Variants in TSHZ2 observed in about 807,000 individuals in gnomAD.
The protein encoded by TSHZ2 is teashirt homolog 2.
Under a neutral mutation model 74.4 loss-of-function variants are expected in TSHZ2, and 21 were observed. That is an observed-to-expected ratio of 0.28 (90% CI 0.20 to 0.41). TSHZ2 has a LOEUF of 0.41. TSHZ2 is among the 10% of genes least tolerant of loss of function. The pLI is 1.00. For synonymous variants in TSHZ2, 540 were observed against 515.3 expected (o/e 1.05, Z -0.65); for missense variants, 1,244 against 1,293.5 (o/e 0.96, Z 0.59).
intron 1 of TSHZ2, among the ~76,000 whole-genome samples, chr20:53,206,057 A>G (rs1989161143): frequency 6.6e-6 from 1 of 152,082 alleles, no homozygotes; most frequent in African/African-American, 2.4e-5. Context: ...CGTCTCTACT[A>G]AAAATACAAA....
chr20:53,183,061 T>C (rs1214702685), intron 1 of TSHZ2, among the ~76,000 whole-genome samples: 1 of 152,164 alleles, frequency 6.6e-6, no homozygotes, highest in African/African-American at 2.4e-5. Context: ...TTGAGACTCA[T>C]TTTTCAACAT....
intron 1 of TSHZ2, among the ~76,000 whole-genome samples, chr20:53,200,196 G>T (rs1289564692): frequency 6.6e-6 from 1 of 152,158 alleles, no homozygotes; most frequent in East Asian, 1.9e-4. Flanking sequence ...GACTTCCTCA[G>T]GGTATACACA....
chr20:52,982,472 A>G (rs578190202), intron 1 of TSHZ2, among the ~76,000 whole-genome samples: 183 of 152,064 alleles, frequency 1.2e-3, no homozygotes, highest in Admixed American at 3.1e-3. Flanking sequence ...CTTCAGGCCA[A>G]CTCCTGTCAT....
chr20:53,487,272 CAAAAAA>C lies in TSHZ2; in HGVS notation c.*153_*158del, dbSNP rs11394425. 26,840 of 112,012 alleles carry C rather than the reference CAAAAAA, an allele frequency of 0.24. 2,624 individuals are homozygous for C. Among genetic ancestry groups the C allele is most frequent in the East Asian group, 0.33 (1,430 of 4,272 alleles). The allele number at this position is 112,012 out of a possible 1,614,324, so 6.9% of individuals were successfully genotyped here. On this transcript the variant is annotated 3_prime_UTR_variant, in exon 3 of 3. Transcript: ENST00000371497. ...GACACCCTGGCTCTGAGAAGACTGC[CAAAAAA>C]AAAAAAAAAAAAAAATCACCCCAGC... is the stretch of plus-strand genomic sequence containing the variant.
chr20:52,975,783 A>G (rs1981312677), intron 1 of TSHZ2, among the ~76,000 whole-genome samples: 1 of 152,040 alleles, frequency 6.6e-6, no homozygotes, highest in Non-Finnish European at 1.5e-5. Context: ...TCAATGCCCT[A>G]CTCTATTTCA....
chr20:53,239,510 G>C (rs1325929980), intron 1 of TSHZ2, among the ~76,000 whole-genome samples: 1 of 152,168 alleles, frequency 6.6e-6, no homozygotes, highest in East Asian at 1.9e-4. Flanking sequence ...TTCTTAAAGA[G>C]CTTACCACCT....
At chr20:53,155,872 G>T (rs921303867) in intron 1 of TSHZ2, among the ~76,000 whole-genome samples, 1 of 152,104 alleles carries the variant, frequency 6.6e-6, no homozygotes, top group African/African-American at 2.4e-5. Context: ...GGCTGTCTGG[G>T]TCACAAACTT....
intron 1 of TSHZ2, among the ~76,000 whole-genome samples, chr20:53,199,335 G>A (rs1021645053): frequency 7.2e-5 from 11 of 152,192 alleles, no homozygotes; most frequent in Non-Finnish European, 1.2e-4. Context: ...TCAGCCAGGC[G>A]TGGTGGCACA....
intron 2 of TSHZ2, among the ~76,000 whole-genome samples, chr20:53,463,379 AGAGG>A (rs1227429502): frequency 2.3e-4 from 20 of 88,030 alleles, no homozygotes; most frequent in African/African-American, 9.1e-4. Context: ...ACAGAGAGAG[AGAGG>A]AAGGAAGGAA....
At chr20:53,481,595 A>G (rs1248630444) in intron 2 of TSHZ2, among the ~76,000 whole-genome samples, 1 of 151,984 alleles carries the variant, frequency 6.6e-6, no homozygotes, top group African/African-American at 2.4e-5. Context: ...ATAGAAAAAA[A>G]AAAGAATTTT....
At chr20:53,221,071 C>T (rs987028532) in intron 1 of TSHZ2, among the ~76,000 whole-genome samples, 4 of 152,322 alleles carry the variant, frequency 2.6e-5, no homozygotes, top group African/African-American at 9.6e-5. Flanking sequence ...TGGTTTCCCC[C>T]ATTCTGTTCT....
chr20:53,018,406 C>T (rs1448179537), intron 1 of TSHZ2, among the ~76,000 whole-genome samples: 4 of 152,192 alleles, frequency 2.6e-5, no homozygotes, highest in Admixed American at 6.5e-5. Context: ...TCACCTGCTC[C>T]ACTGCTAGTC....
At chr20:53,441,887 A>G (rs1362837126) in intron 2 of TSHZ2, among the ~76,000 whole-genome samples, 1 of 152,186 alleles carries the variant, frequency 6.6e-6, no homozygotes, top group Non-Finnish European at 1.5e-5. Context: ...CAGCCTTTTC[A>G]TTATAACCCT....
At chr20:53,437,668 C>G (rs1205317807) in intron 2 of TSHZ2, among the ~76,000 whole-genome samples, 1 of 152,278 alleles carries the variant, frequency 6.6e-6, no homozygotes, top group East Asian at 1.9e-4. Flanking sequence ...CCCTCCAAAT[C>G]TCATGTTGAA....
intron 1 of TSHZ2, among the ~76,000 whole-genome samples, chr20:53,040,752 C>A (rs115496902): frequency 8.5e-5 from 13 of 152,164 alleles, no homozygotes; most frequent in African/African-American, 3.1e-4. Context: ...TTGGACCCAA[C>A]GACCCTTACC....
intron 2 of TSHZ2, among the ~76,000 whole-genome samples, chr20:53,439,295 G>A (rs1192060928): frequency 6.6e-6 from 1 of 152,144 alleles, no homozygotes; most frequent in Non-Finnish European, 1.5e-5. Flanking sequence ...TCTGGAGTCA[G>A]TAATAATGCA....
At chr20:53,156,380 T>C (rs75394275) in intron 1 of TSHZ2, among the ~76,000 whole-genome samples, 3,132 of 152,272 alleles carry the variant, frequency 0.021, 107 homozygotes, top group African/African-American at 0.071. Context: ...GGTTATCTTA[T>C]TGGCTTGGGT....
At chr20:53,310,462 G>A (rs1397812334) in intron 2 of TSHZ2, among the ~76,000 whole-genome samples, 1 of 152,244 alleles carries the variant, frequency 6.6e-6, no homozygotes, top group Non-Finnish European at 1.5e-5. Flanking sequence ...TTATTTCACA[G>A]TTTCTGTGCA....
chr20:53,094,119 C>T (rs1372927694), intron 1 of TSHZ2, among the ~76,000 whole-genome samples: 1 of 151,802 alleles, frequency 6.6e-6, no homozygotes, highest in Non-Finnish European at 1.5e-5. Flanking sequence ...ACTGTATCGT[C>T]TGCAGATGCT....
Sources: gnomAD v4.1 joint callset for allele counts (sites outside exome capture counted in the v4.1 genomes callset) on GRCh38, gnomAD v4.1.1 for gene constraint, MANE v1.5 for transcripts, NCBI Gene and HGNC (gene_info 2026-07-23, HGNC 2026-07-21) for gene names.